TBC1D22A: variants seen among roughly 807,000 people sequenced by gnomAD.
TBC1D22A encodes the protein putative GTPase activator.
A neutral mutation model predicts 60.2 loss-of-function variants in TBC1D22A; 38 were observed. The observed-to-expected ratio is 0.63, with a 90% confidence interval of 0.49 to 0.83. TBC1D22A has a LOEUF of 0.83. TBC1D22A is among the 40% of genes least tolerant of loss of function. The pLI is 0.00. For synonymous variants in TBC1D22A, 302 were observed against 281.7 expected (o/e 1.07, Z -0.72); for missense variants, 628 against 701.0 (o/e 0.90, Z 1.18).
At chr22:47,056,860 G>T (rs572282762) in intron 11 of TBC1D22A, among the ~76,000 whole-genome samples, 2 of 152,344 alleles carry the variant, frequency 1.3e-5, no homozygotes, top group Non-Finnish European at 2.9e-5. Context: ...CGGGGAAGCT[G>T]CAGGGACAGA....
intron 5 of TBC1D22A, among the ~76,000 whole-genome samples, chr22:46,883,292 A>G (rs969651284): frequency 6.6e-6 from 1 of 152,240 alleles, no homozygotes; most frequent in African/African-American, 2.4e-5. Context: ...ATTTAGATAT[A>G]AGTATATGCA....
intron 12 of TBC1D22A, among the ~76,000 whole-genome samples, chr22:47,168,229 A>C (rs112829699): frequency 1.7e-4 from 24 of 142,234 alleles, no homozygotes; most frequent in African/African-American, 3.2e-4. Flanking sequence ...ACTGCCCAGC[A>C]AAGTGCTGTG....
chr22:46,942,605 T>C (rs2072241195), intron 8 of TBC1D22A, among the ~76,000 whole-genome samples: 1 of 152,192 alleles, frequency 6.6e-6, no homozygotes, highest in African/African-American at 2.4e-5. Flanking sequence ...GTGTAATTTA[T>C]ACAGCACATG....
chr22:46,916,167 T>C, intron 8 of TBC1D22A: 1 of 356,114 alleles, frequency 2.8e-6, no homozygotes, highest in Non-Finnish European at 5.3e-6. Context: ...GTGGTTGAGG[T>C]TGACACACAG....
intron 10 of TBC1D22A, among the ~76,000 whole-genome samples, 197 bp from the exon 11 acceptor site, chr22:47,036,874 C>A (rs1240628497): frequency 6.6e-6 from 1 of 152,242 alleles, no homozygotes; most frequent in Non-Finnish European, 1.5e-5. Flanking sequence ...CCATCTTTCG[C>A]TTTCCTGTAG....
chr22:47,078,271 C>T (rs1435643123), intron 11 of TBC1D22A, among the ~76,000 whole-genome samples: 1 of 152,092 alleles, frequency 6.6e-6, no homozygotes, highest in African/African-American at 2.4e-5. Context: ...TTCCCTCTGC[C>T]CTTGGTCTTT....
chr22:47,077,185 G>C (rs1175625816), intron 11 of TBC1D22A, among the ~76,000 whole-genome samples: 10 of 152,166 alleles, frequency 6.6e-5, no homozygotes, highest in African/African-American at 1.7e-4. Context: ...TATTTGGTCG[G>C]AAGCTGGCAG....
At chr22:47,117,569 A>G (rs1174941173) in intron 12 of TBC1D22A, among the ~76,000 whole-genome samples, 1 of 149,642 alleles carries the variant, frequency 6.7e-6, no homozygotes, top group Non-Finnish European at 1.5e-5. Context: ...ACACCGTGGC[A>G]TCGAGCAGGG....
chr22:47,001,287 T>TTTTC (rs1350637707), intron 10 of TBC1D22A, among the ~76,000 whole-genome samples: 4 of 132,878 alleles, frequency 3.0e-5, no homozygotes, highest in Non-Finnish European at 4.7e-5. Flanking sequence ...AATTGTATTT[T>TTTTC]TTTCTTTCTT....
chr22:46,918,331 G>A (rs926717341), intron 8 of TBC1D22A, among the ~76,000 whole-genome samples: 1 of 152,160 alleles, frequency 6.6e-6, no homozygotes, highest in African/African-American at 2.4e-5. Context: ...ATGTGTTTTC[G>A]GAAGCTTTCC....
intron 4 of TBC1D22A, among the ~76,000 whole-genome samples, chr22:46,830,003 G>A (rs1371045922): frequency 6.6e-6 from 1 of 152,224 alleles, no homozygotes; most frequent in Non-Finnish European, 1.5e-5. Flanking sequence ...TTCCCAAGGC[G>A]CTGTGCTCGG....
At chr22:46,901,229 A>G (rs1270806219) in intron 7 of TBC1D22A, among the ~76,000 whole-genome samples, 33 of 152,230 alleles carry the variant, frequency 2.2e-4, no homozygotes. Flanking sequence ...CTAACATGTG[A>G]TGTGCCACGC....
intron 8 of TBC1D22A, among the ~76,000 whole-genome samples, chr22:46,968,611 C>T (rs1053567629): frequency 2.0e-5 from 3 of 151,944 alleles, no homozygotes; most frequent in East Asian, 1.9e-4. Context: ...GTCCTCACTG[C>T]GTGGCCGGCG....
At chr22:47,072,659 A>G (rs529691905) in intron 11 of TBC1D22A, among the ~76,000 whole-genome samples, 54 of 152,374 alleles carry the variant, frequency 3.5e-4, no homozygotes, top group African/African-American at 1.3e-3. Context: ...GGGGCCTAGC[A>G]TGCTGGCAGC....
At chr22:46,835,695 C>G (rs954087622) in intron 4 of TBC1D22A, among the ~76,000 whole-genome samples, 1 of 152,106 alleles carries the variant, frequency 6.6e-6, no homozygotes, top group African/African-American at 2.4e-5. Context: ...CAAAAAATGT[C>G]TTAAATCTGG....
At chr22:47,031,019 G>C (rs369764375) in intron 10 of TBC1D22A, among the ~76,000 whole-genome samples, 1 of 152,222 alleles carries the variant, frequency 6.6e-6, no homozygotes, top group Non-Finnish European at 1.5e-5. Context: ...GACACTCCCC[G>C]GTGCCTTCTG....
chr22:47,087,746 A>C (rs1190424600), intron 11 of TBC1D22A, among the ~76,000 whole-genome samples: 2 of 152,216 alleles, frequency 1.3e-5, no homozygotes, highest in Non-Finnish European at 2.9e-5. Context: ...GCATAAAATT[A>C]AAGAAGTAAA....
chr22:46,876,845 T>C (rs1327246180), intron 4 of TBC1D22A, among the ~76,000 whole-genome samples: 2 of 152,218 alleles, frequency 1.3e-5, no homozygotes, highest in African/African-American at 2.4e-5. Flanking sequence ...TTTGCACAGC[T>C]GGGATTCTGC....
rs553231975 is a variant in TBC1D22A at position 47,163,115 on chromosome 22, T to C, written c.1426-10383T>C. On this transcript the variant is annotated intron_variant, in intron 12 of 12. Coordinates refer to ENST00000337137, the MANE Select transcript of TBC1D22A (RefSeq NM_014346.5). ...CGTGCCAGTGGCCAGGGTGGGCAGG[T>C]TTGCCTCCCCTGTGGTTCCTTTTCC... Among the ~76,000 whole-genome samples, 538 of 152,172 alleles carry C rather than the reference T, an allele frequency of 3.5e-3. 8 individuals are homozygous for C. Among genetic ancestry groups the C allele is most frequent in the African/African-American group, 0.012 (507 of 41,520 alleles).
Sources: gnomAD v4.1 joint callset for allele counts (sites outside exome capture counted in the v4.1 genomes callset) on GRCh38, gnomAD v4.1.1 for gene constraint, MANE v1.5 for transcripts, NCBI Gene and HGNC (gene_info 2026-07-23, HGNC 2026-07-21) for gene names.